The following GRID1 variants were observed in gnomAD, a reference collection of about 807,000 sequenced individuals.
GRID1 encodes glutamate ionotropic receptor delta type subunit 1, also known as glutamate receptor ionotropic, delta-1.
Under a neutral mutation model 98.0 loss-of-function variants are expected in GRID1, and 28 were observed. That is an observed-to-expected ratio of 0.29 (90% confidence interval 0.21 to 0.39). GRID1 has a LOEUF of 0.39. GRID1 is among the 10% of genes least tolerant of loss of function. The probability of loss-of-function intolerance (pLI) is 1.00; values close to 1 mark genes in which losing one functional copy is unlikely to be tolerated. For synonymous variants in GRID1, 553 were observed against 538.5 expected (o/e 1.03, Z -0.37); for missense variants, 1,111 against 1,340.5 (o/e 0.83, Z 2.67).
At chr10:85,868,361 C>G (rs917977359) in intron 6 of GRID1, among the ~76,000 whole-genome samples, 2 of 152,214 alleles carry the variant, frequency 1.3e-5, no homozygotes, top group African/African-American at 4.8e-5. Flanking sequence ...ACCTCTTACA[C>G]TAGGCACATA....
intron 4 of GRID1, among the ~76,000 whole-genome samples, chr10:86,040,100 G>T (rs1384539101): frequency 6.6e-6 from 1 of 152,162 alleles, no homozygotes; most frequent in Non-Finnish European, 1.5e-5. Flanking sequence ...AAAAAGCAGA[G>T]TTAAGATGGT....
chr10:86,242,908 C>T (rs554482726), intron 2 of GRID1, among the ~76,000 whole-genome samples: 10 of 152,204 alleles, frequency 6.6e-5, no homozygotes, highest in Non-Finnish European at 1.5e-4. Context: ...CCAATGGACA[C>T]TGCTTGTCCA....
At chr10:85,869,979 AG>A (rs1410412276) in intron 5 of GRID1, among the ~76,000 whole-genome samples, 1 of 152,204 alleles carries the variant, frequency 6.6e-6, no homozygotes, top group Non-Finnish European at 1.5e-5. Flanking sequence ...GGCTTCCATG[AG>A]GAATCTGACA....
At chr10:86,090,207 C>T (rs912206313) in intron 4 of GRID1, among the ~76,000 whole-genome samples, 2 of 149,622 alleles carry the variant, frequency 1.3e-5, no homozygotes, top group African/African-American at 4.9e-5. Context: ...CACTTGAGGC[C>T]AAGAGATCAA....
intron 8 of GRID1, among the ~76,000 whole-genome samples, chr10:85,747,720 A>C (rs1842010515): frequency 6.6e-6 from 1 of 152,210 alleles, no homozygotes; most frequent in South Asian, 2.1e-4. Flanking sequence ...ATTAGGCAAT[A>C]GGAACCAAGA....
chr10:86,264,644 C>T (rs1319706190), intron 2 of GRID1: 2 of 463,088 alleles, frequency 4.3e-6, no homozygotes, highest in South Asian at 1.5e-5. Context: ...AGGTTGGGAG[C>T]GAAGTGGTGA....
At chr10:86,304,057 A>T (rs1483434735) in intron 2 of GRID1, among the ~76,000 whole-genome samples, 1 of 152,020 alleles carries the variant, frequency 6.6e-6, no homozygotes, top group Non-Finnish European at 1.5e-5. Flanking sequence ...GAAGCCCCCA[A>T]CCCTGGTAGT....
chr10:86,161,829 T>C (rs1845327762), intron 3 of GRID1, among the ~76,000 whole-genome samples: 1 of 152,176 alleles, frequency 6.6e-6, no homozygotes, highest in African/African-American at 2.4e-5. Context: ...GAGGAATTGA[T>C]AACAACATCT....
chr10:86,197,245 C>T (rs1487465897), intron 3 of GRID1, among the ~76,000 whole-genome samples: 2 of 152,136 alleles, frequency 1.3e-5, no homozygotes, highest in Admixed American at 6.5e-5. Flanking sequence ...AGCTTGCAGA[C>T]GTCTGCACGT....
chr10:85,851,297 A>G (rs1209876339), intron 8 of GRID1, among the ~76,000 whole-genome samples: 2 of 152,180 alleles, frequency 1.3e-5, no homozygotes, highest in Non-Finnish European at 2.9e-5. Context: ...TGGCAGACCC[A>G]TGCCAGACAG....
intron 4 of GRID1, among the ~76,000 whole-genome samples, chr10:86,086,904 C>T (rs1844067222): frequency 6.6e-6 from 1 of 152,158 alleles, no homozygotes; most frequent in African/African-American, 2.4e-5. Context: ...TCCACAGGGC[C>T]TGCAGTTGAG....
chr10:85,927,433 C>T (rs1179992796), intron 4 of GRID1, among the ~76,000 whole-genome samples: 1 of 151,418 alleles, frequency 6.6e-6, no homozygotes, highest in Non-Finnish European at 1.5e-5. Context: ...CAGAGCCTGG[C>T]TTTTACCCCA....
chr10:86,301,168 C>T (rs952388999), intron 2 of GRID1, among the ~76,000 whole-genome samples: 7 of 152,134 alleles, frequency 4.6e-5, no homozygotes, highest in African/African-American at 9.7e-5. Context: ...ACAATGAGGC[C>T]GGCTCACCAC....
rs537532247 is a variant in GRID1, at chr10:85,808,754, C to T, written c.1233+45742G>A. Among the ~76,000 whole-genome samples, 12 of 152,106 alleles carry T rather than the reference C, an allele frequency of 7.9e-5. No individual in the cohort carries two copies. The East Asian group carries it at 1.5e-3, about 20-fold the overall frequency. Reference sequence around the variant, plus strand: ...AAATGACTTTTAGTATAGCATTTTACAATAATCAGACAAAACTAACATAAA... The same window carrying T: ...AAATGACTTTTAGTATAGCATTTTATAATAATCAGACAAAACTAACATAAA... On this transcript the variant is annotated intron_variant, in intron 8 of 15. Transcript: ENST00000327946.
At chr10:85,740,692 C>A (rs1390261359) in intron 8 of GRID1, among the ~76,000 whole-genome samples, 1 of 152,052 alleles carries the variant, frequency 6.6e-6, no homozygotes, top group Non-Finnish European at 1.5e-5. Context: ...TGACCATACC[C>A]CTGTGGAAAT....
In GRID1 at chr10:86,206,448, G is replaced by A; in HGVS notation, c.436C>T (p.Pro146Ser). 1.2e-6 allele frequency: 2 copies of A among 1,614,182 alleles called. No homozygotes were observed. Among genetic ancestry groups the A allele is most frequent in the Non-Finnish European group, 8.5e-7 (1 of 1,180,008 alleles). ...GEAYTLASRP[P>S]VRLNDVMLRL... ...AGCATGACATCATTGAGGCGGACGG[G>A]TGGTCTCGAAGCCAGTGTGTAGGCC... The change falls in exon 3 of 16, where the codon CCC (proline) becomes TCC (serine). Residue 146 changes from proline to serine, a missense_variant. Physicochemically the swap from Pro to Ser is moderately conservative, Grantham distance 74. Coordinates refer to ENST00000327946, the MANE Select transcript of GRID1 (RefSeq NM_017551.3). This position sits in a 1 kb window ranked among gnomAD's most constrained non-coding sequence, Gnocchi z 4.1.
At chr10:85,923,613 G>A (rs753563436) in intron 4 of GRID1, among the ~76,000 whole-genome samples, 5 of 152,138 alleles carry the variant, frequency 3.3e-5, no homozygotes, top group Non-Finnish European at 7.3e-5. Flanking sequence ...CTACTGAGCT[G>A]CAGCCTACAA....
chr10:85,928,235 G>A (rs560715529), intron 4 of GRID1, among the ~76,000 whole-genome samples: 35 of 152,304 alleles, frequency 2.3e-4, no homozygotes, highest in African/African-American at 8.4e-4. Flanking sequence ...AGAGGCGGAG[G>A]ATCGTTTAGG....
At chr10:86,312,866 G>A (rs553000693) in intron 2 of GRID1, among the ~76,000 whole-genome samples, 2 of 152,306 alleles carry the variant, frequency 1.3e-5, no homozygotes, top group South Asian at 4.2e-4. Context: ...CCCACTGAGG[G>A]AGGAGCAACA....
Sources: allele counts gnomAD v4.1 joint callset (sites outside exome capture counted in the v4.1 genomes callset), GRCh38; gene constraint gnomAD v4.1.1; non-coding constraint Gnocchi (gnomAD v3.1); transcripts MANE v1.5; gene names NCBI Gene and HGNC (gene_info 2026-07-23, HGNC 2026-07-21).